TNIK: variants seen among roughly 807,000 people sequenced by gnomAD.
TNIK encodes the protein TRAF2 and NCK-interacting protein kinase.
Under a neutral mutation model 191.3 loss-of-function variants are expected in TNIK, and 49 were observed. That is an observed-to-expected ratio of 0.26 (90% CI 0.20 to 0.32). TNIK has a LOEUF of 0.32. Ranked by LOEUF, TNIK falls within the 10% of genes least tolerant of loss-of-function variation. The pLI is 1.00. For missense variants in TNIK, 1,155 were observed against 1,702.3 expected (o/e 0.68, Z 5.66); for synonymous variants, 594 against 600.9 (o/e 0.99, Z 0.17).
chr3:171,371,830 C>A (rs907792843), intron 1 of TNIK, among the ~76,000 whole-genome samples: 2 of 152,114 alleles, frequency 1.3e-5, no homozygotes, highest in African/African-American at 4.8e-5. Context: ...GCTGTGCTTC[C>A]CAGTAGTTTG....
intron 17 of TNIK, 24 bp from the exon 18 acceptor site, chr3:171,123,726 A>G (rs1191476354): frequency 1.3e-6 from 2 of 1,537,164 alleles, no homozygotes. Context: ...GAATTCAGAA[A>G]TATTTTCCAT....
chr3:171,157,737 GA>G (rs1203159414), intron 11 of TNIK, 73 bp from the exon 12 acceptor site: 12 of 1,453,634 alleles, frequency 8.3e-6, no homozygotes, highest in Non-Finnish European at 1.0e-5. Context: ...CTTGGAGGAG[GA>G]AAGCGGGACA....
At chr3:171,160,422 T>C (rs1733841736) in intron 11 of TNIK, among the ~76,000 whole-genome samples, 1 of 151,824 alleles carries the variant, frequency 6.6e-6, no homozygotes, top group East Asian at 1.9e-4. Flanking sequence ...GAACTGATCC[T>C]TCTGGAGCAT....
intron 4 of TNIK, among the ~76,000 whole-genome samples, chr3:171,195,410 T>G (rs1238794603): frequency 3.3e-5 from 5 of 152,204 alleles, no homozygotes; most frequent in Non-Finnish European, 5.9e-5. Flanking sequence ...AAAGATCACC[T>G]TATTAGGTAC....
intron 2 of TNIK, among the ~76,000 whole-genome samples, chr3:171,266,353 A>C (rs1748405466): frequency 6.6e-6 from 1 of 152,226 alleles, no homozygotes; most frequent in Admixed American, 6.5e-5. Flanking sequence ...AAATAAAAAA[A>C]GCCTACATTA....
chr3:171,320,169 T>C (rs571319644), intron 2 of TNIK, among the ~76,000 whole-genome samples: 256 of 152,282 alleles, frequency 1.7e-3, no homozygotes, highest in Non-Finnish European at 3.1e-3. Flanking sequence ...CCCTTCCACG[T>C]TGGCCTATTA....
intron 30 of TNIK, among the ~76,000 whole-genome samples, chr3:171,068,063 G>T (rs1208487613): frequency 1.3e-5 from 2 of 152,168 alleles, no homozygotes; most frequent in African/African-American, 4.8e-5. Flanking sequence ...TCTCCTGTGT[G>T]TTAGTCTTGG....
At position 171,391,744 on chromosome 3, in the gene TNIK, T is replaced by C. The variant is rs191335034; in HGVS notation, c.58-22059A>G. On this transcript the variant is annotated intron_variant, in intron 1 of 32. Transcript: ENST00000436636. ...ATGTAATTAAATCTGTTCTTTTCTC[T>C]TGTTAATCTGTCTTTTTTCAGTTAA... is the stretch of plus-strand genomic sequence containing the variant. Among the ~76,000 whole-genome samples, 22 of 152,368 alleles carry C rather than the reference T, an allele frequency of 1.4e-4. 1 individual carries two copies. Among genetic ancestry groups the C allele is most frequent in the Admixed American group, 5.2e-4 (8 of 15,302 alleles).
At position 171,101,508 on chromosome 3, in the gene TNIK, T is replaced by C; in HGVS notation, c.2532A>G (p.Glu844=). 1.2e-6 allele frequency: 2 copies of C among 1,613,590 alleles called. No individual in the cohort carries two copies. Among genetic ancestry groups the C allele is most frequent in the Non-Finnish European group, 1.7e-6 (2 of 1,179,590 alleles). Residue 844 remains glutamate, a synonymous_variant, in exon 22 of 33, where the codon GAA becomes GAG. Transcript: ENST00000436636. ...CATCATGGGTCTCGCTCTCTCCATC[T>C]TCCTCCTCTTCCTCGCTACTTTCTG... ...EESESSEEEE[E]DGESETHDGT...
chr3:171,289,094 G>T (rs1282971043), intron 2 of TNIK, among the ~76,000 whole-genome samples: 1 of 152,126 alleles, frequency 6.6e-6, no homozygotes, highest in Non-Finnish European at 1.5e-5. Context: ...AGTTCAAGAG[G>T]CATAAGGGAA....
chr3:171,145,609 C>T (rs1731452373), intron 12 of TNIK, among the ~76,000 whole-genome samples: 1 of 152,048 alleles, frequency 6.6e-6, no homozygotes, highest in South Asian at 2.1e-4. Flanking sequence ...TTCAGGGGGC[C>T]CTCAAAGGTA....
intron 2 of TNIK, among the ~76,000 whole-genome samples, chr3:171,362,814 G>C (rs531657358): frequency 6.6e-6 from 1 of 152,144 alleles, no homozygotes; most frequent in Non-Finnish European, 1.5e-5. Context: ...AGGCAGTCCT[G>C]CTCCAAAGTC....
chr3:171,314,212 T>A (rs576454307), intron 2 of TNIK, among the ~76,000 whole-genome samples: 107 of 152,300 alleles, frequency 7.0e-4, no homozygotes, highest in Non-Finnish European at 1.2e-3. Flanking sequence ...GCTGAAGACT[T>A]CCAGCATCAG....
At chr3:171,142,410 A>G (rs954201686) in intron 12 of TNIK, among the ~76,000 whole-genome samples, 3 of 152,234 alleles carry the variant, frequency 2.0e-5, no homozygotes, top group African/African-American at 4.8e-5. Flanking sequence ...CAAGAGGAAT[A>G]AAGACTAACA....
intron 1 of TNIK, among the ~76,000 whole-genome samples, chr3:171,374,379 T>TGCAGCAAG (rs1286224425): frequency 6.6e-6 from 1 of 152,192 alleles, no homozygotes; most frequent in Non-Finnish European, 1.5e-5. Context: ...CAACAGAATG[T>TGCAGCAAG]GCAGCAAGGA....
At chr3:171,433,936 C>CATTT (rs1491278983) in intron 1 of TNIK, among the ~76,000 whole-genome samples, 1 of 112,118 alleles carries the variant, frequency 8.9e-6, no homozygotes, top group East Asian at 2.7e-4. Flanking sequence ...TTTTCTTTTT[C>CATTT]CTTTTTTTTT....
intron 1 of TNIK, among the ~76,000 whole-genome samples, chr3:171,426,702 T>C (rs1310117381): frequency 1.3e-5 from 2 of 152,122 alleles, no homozygotes; most frequent in African/African-American, 4.8e-5. Context: ...TCTCCACTCC[T>C]GGGCACCTGT....
At chr3:171,129,701 G>A (rs1728985488) in intron 15 of TNIK, among the ~76,000 whole-genome samples, 1 of 152,144 alleles carries the variant, frequency 6.6e-6, no homozygotes, top group Non-Finnish European at 1.5e-5. Context: ...TCAGCCCAAA[G>A]CAGATAACAG....
intron 2 of TNIK, among the ~76,000 whole-genome samples, chr3:171,261,723 G>A (rs773549528): frequency 6.6e-6 from 1 of 152,172 alleles, no homozygotes; most frequent in Admixed American, 6.5e-5. Context: ...ATTGCTTCAG[G>A]TGGTGTGGCT....
Sources: gnomAD v4.1 joint callset for allele counts (sites outside exome capture counted in the v4.1 genomes callset) on GRCh38, gnomAD v4.1.1 for gene constraint, MANE v1.5 for transcripts, NCBI Gene and HGNC (gene_info 2026-07-23, HGNC 2026-07-21) for gene names.